The following STX11 variants were observed in gnomAD, a reference collection of about 807,000 sequenced individuals.
The protein encoded by STX11 is syntaxin-11.
STX11 carries 21 observed loss-of-function variants against 19.9 expected under a neutral mutation model. The observed-to-expected ratio is 1.06, with a 90% confidence interval of 0.75 to 1.52. The LOEUF (loss-of-function observed/expected upper bound fraction) is 1.52, where lower values mean the gene tolerates loss of function less well. Among genes scored for constraint, STX11 ranks in the 40% most tolerant of loss-of-function variants. The pLI is 0.00. For synonymous variants in STX11, 193 were observed against 174.4 expected (o/e 1.11, Z -0.84); for missense variants, 438 against 405.9 (o/e 1.08, Z -0.68).
intron 1 of STX11, among the ~76,000 whole-genome samples, chr6:144,161,700 C>T (rs903610102): frequency 6.6e-6 from 1 of 152,110 alleles, no homozygotes. Flanking sequence ...CTGCCTTTTG[C>T]TGGAACTTCA....
chr6:144,157,688 A>G (rs1387788492), intron 1 of STX11, among the ~76,000 whole-genome samples: 2 of 152,142 alleles, frequency 1.3e-5, no homozygotes. Flanking sequence ...TGAGGGCAGT[A>G]GTGGTGTTTA....
At position 144,162,027 on chromosome 6, in the gene STX11, T is replaced by G. The variant is rs2128749286; in HGVS notation, c.-6+11324T>G. Among the ~76,000 whole-genome samples the G allele has an allele frequency of 6.6e-6, 1 of 152,326 alleles. No individual in the cohort carries two copies. The highest frequency in any genetic ancestry group is 2.1e-4 in the South Asian group (1 of 4,830). On this transcript the variant is annotated intron_variant, in intron 1 of 1. Transcript: ENST00000367568. The surrounding 1 kb of genome is among the most constrained non-coding windows in gnomAD (Gnocchi z 4.6). The stretch of plus-strand genomic sequence containing the variant: ...GGTGCAACATTCCATGTAAAAATAT[T>G]CACTGAATCCTCCTCTTTTCAGTTG...
chr6:144,155,501 G>GTAC lies in STX11; in HGVS notation c.-6+4798_-6+4799insTAC, dbSNP rs772256834. Reference sequence around the variant, plus strand: ...AATGAGAGTGACATGAAGCCTCGCAGGGTAATAGAGCCCACATGTCTACCC... The same window carrying GTAC: ...AATGAGAGTGACATGAAGCCTCGCAGTACGGTAATAGAGCCCACATGTCTACCC... On this transcript the variant is annotated intron_variant, in intron 1 of 1. Coordinates refer to ENST00000367568, the MANE Select transcript of STX11 (RefSeq NM_003764.4). This position sits in a 1 kb window ranked among gnomAD's most constrained non-coding sequence, Gnocchi z 4.5. 3.9e-5 allele frequency among the ~76,000 whole-genome samples: 6 copies of GTAC among 152,204 alleles called. No individual in the cohort carries two copies. The highest frequency in any genetic ancestry group is 8.8e-5 in the Non-Finnish European group (6 of 68,038).
chr6:144,170,068 T>G lies in STX11; in HGVS notation c.-5-16555T>G, dbSNP rs539707659. ...TTTTGTTTCTTCAGGTCATATAAGGTGGTCATTCCAACACCATATTTTTCT... is the reference window on the plus strand; with the variant it reads ...TTTTGTTTCTTCAGGTCATATAAGGGGGTCATTCCAACACCATATTTTTCT... On this transcript the variant is annotated intron_variant, in intron 1 of 1. Coordinates refer to ENST00000367568, the MANE Select transcript of STX11 (RefSeq NM_003764.4). The surrounding 1 kb of genome is among the most constrained non-coding windows in gnomAD (Gnocchi z 4.7). Among the ~76,000 whole-genome samples the G allele has an allele frequency of 6.6e-6, 1 of 152,318 alleles. No homozygotes were observed. Among genetic ancestry groups the G allele is most frequent in the South Asian group, 2.1e-4 (1 of 4,828 alleles).
intron 1 of STX11, among the ~76,000 whole-genome samples, chr6:144,179,213 A>C (rs1801844921): frequency 6.6e-6 from 1 of 152,158 alleles, no homozygotes. Context: ...ATTCACTACC[A>C]CCAGAACAGC....
chr6:144,186,548 T>C, intron 1 of STX11, 75 bp from the exon 2 acceptor site: 20 of 1,600,878 alleles, frequency 1.2e-5, no homozygotes, highest in South Asian at 3.3e-5. Flanking sequence ...GAGTAAAATG[T>C]TTAAGTTTCA....
the STX11 span, among the ~76,000 whole-genome samples, chr6:144,145,451 G>A: frequency 6.6e-6 from 1 of 152,294 alleles, no homozygotes; most frequent in East Asian, 1.9e-4. Context: ...ATTTTTGCAT[G>A]TCCCTGTTCA....
At position 144,151,100 on chromosome 6, in the gene STX11, G is replaced by A. The variant is rs534242575; in HGVS notation, c.-6+397G>A. ...TATCACCTCTTCACTTCCTAGTAGG[G>A]TGACTGTGTCAAAAACACCAGAATG... On this transcript the variant is annotated intron_variant, in intron 1 of 1. Transcript: ENST00000367568. This position sits in a 1 kb window ranked among gnomAD's most constrained non-coding sequence, Gnocchi z 4.6. 6.6e-6 allele frequency among the ~76,000 whole-genome samples: 1 copy of A among 152,188 alleles called. No individual in the cohort carries two copies. Among genetic ancestry groups the A allele is most frequent in the African/African-American group, 2.4e-5 (1 of 41,522 alleles).
chr6:144,149,401 AACTGGGAGCT>A (rs1800936810), upstream of STX11, among the ~76,000 whole-genome samples: 1 of 152,124 alleles, frequency 6.6e-6, no homozygotes, highest in Non-Finnish European at 1.5e-5. The surrounding 1 kb of genome is among the most constrained non-coding windows in gnomAD (Gnocchi z 5.1). Context: ...CATCTTTGGC[AACTGGGAGCT>A]TTCAGGTGGT....
At chr6:144,140,252 A>ATATTTATT in the STX11 span, among the ~76,000 whole-genome samples, 1 of 51,984 alleles carries the variant, frequency 1.9e-5, no homozygotes, top group African/African-American at 1.0e-4. Context: ...ATATATATAT[A>ATATTTATT]TATTTATTTA....
chr6:144,156,585 G>C (rs1054839422), intron 1 of STX11, among the ~76,000 whole-genome samples: 10 of 152,202 alleles, frequency 6.6e-5, no homozygotes, highest in African/African-American at 2.4e-4. Flanking sequence ...TATGGAAACA[G>C]TAAGCAAGTA....
chr6:144,150,490 G>A (rs1216208297), upstream of STX11: 1 of 985,206 alleles, frequency 1.0e-6, no homozygotes, highest in Non-Finnish European at 1.2e-6. Flanking sequence ...CGCTTCCTAA[G>A]CGGCGGGGGC....
rs1801502750 is a variant in STX11, at chr6:144,167,081, C to G, written c.-6+16378C>G. Among the ~76,000 whole-genome samples the G allele has an allele frequency of 6.6e-6, 1 of 152,140 alleles. No homozygotes were observed. Among genetic ancestry groups the G allele is most frequent in the African/African-American group, 2.4e-5 (1 of 41,420 alleles). ...AAATTTCACAGTAACAGGATTGGTT[C>G]TTCTGAACACTGTCTCTTAAGTGTT... On this transcript the variant is annotated intron_variant, in intron 1 of 1. Coordinates refer to ENST00000367568, the MANE Select transcript of STX11 (RefSeq NM_003764.4). This position sits in a 1 kb window ranked among gnomAD's most constrained non-coding sequence, Gnocchi z 5.0.
rs1185702692 is a variant in STX11, at chr6:144,156,049, TC to T, written c.-6+5350del. On this transcript the variant is annotated intron_variant, in intron 1 of 1. Transcript: ENST00000367568. The stretch of plus-strand genomic sequence containing the variant: ...CTCCTTCCTTCCTTCCTTCCTTCCT[TC>T]CCCTCCCCTCCCCTCCCCTCCCCTC... Among the ~76,000 whole-genome samples, 278 of 52,706 alleles carry T rather than the reference TC, an allele frequency of 5.3e-3. 14 individuals are homozygous for T. In the East Asian group the frequency reaches 0.057, roughly 11 times the overall value. The allele number at this position is 52,706 out of a possible 152,430, so 34.6% of individuals were successfully genotyped here.
the STX11 span, among the ~76,000 whole-genome samples, chr6:144,141,340 C>T: frequency 3.9e-5 from 6 of 152,164 alleles, no homozygotes; most frequent in East Asian, 5.8e-4. Flanking sequence ...AAAGTTTTTA[C>T]TTAATTGAAA....
At chr6:144,140,214 ATATATATATATATAT>A in the STX11 span, among the ~76,000 whole-genome samples, 15,896 of 85,102 alleles carry the variant, frequency 0.19, 1,467 homozygotes, top group African/African-American at 0.24. Context: ...ATTCACATAT[ATATATATATATATAT>A]ATATATATAT....
In STX11 at chr6:144,174,736, G is replaced by A. The variant is rs1356141395; in HGVS notation, c.-5-11887G>A. On this transcript the variant is annotated intron_variant, in intron 1 of 1. Coordinates refer to ENST00000367568, the MANE Select transcript of STX11 (RefSeq NM_003764.4). This position sits in a 1 kb window ranked among gnomAD's most constrained non-coding sequence, Gnocchi z 5.3. ...AAGGGGAAAGAATGGGGCCACCTAG[G>A]AGGTCAGATCAAGAATGTGGGATGA... Among the ~76,000 whole-genome samples the A allele has an allele frequency of 6.6e-6, 1 of 152,166 alleles. No homozygotes were observed. The highest frequency in any genetic ancestry group is 1.5e-5 in the Non-Finnish European group (1 of 68,032).
chr6:144,185,133 A>C (rs1801994242), intron 1 of STX11, among the ~76,000 whole-genome samples: 1 of 152,232 alleles, frequency 6.6e-6, no homozygotes, highest in Non-Finnish European at 1.5e-5. Context: ...ACATTGTTAC[A>C]TTAAAAATCA....
rs900900096 is a variant in STX11 at position 144,191,754 on chromosome 6, C to T, written c.*4263C>T. Among the ~76,000 whole-genome samples, 1 of 152,100 alleles carries T rather than the reference C, an allele frequency of 6.6e-6. No homozygotes were observed. Among genetic ancestry groups the T allele is most frequent in the African/African-American group, 2.4e-5 (1 of 41,394 alleles). On this transcript the variant is annotated 3_prime_UTR_variant, in exon 2 of 2. Transcript: ENST00000367568. ...TCCTTTTGATAGCGGAGTTGAAAAT[C>T]ATTGCAATTAATAAAATGGGGCTAT...
Sources: allele counts gnomAD v4.1 joint callset (sites outside exome capture counted in the v4.1 genomes callset), GRCh38; gene constraint gnomAD v4.1.1; non-coding constraint Gnocchi (gnomAD v3.1); transcripts MANE v1.5; gene names NCBI Gene and HGNC (gene_info 2026-07-23, HGNC 2026-07-21).